Variants in ZNF469 observed in about 807,000 individuals in gnomAD.
The protein encoded by ZNF469 is zinc finger protein 469.
ZNF469 carries 1 observed loss-of-function variant against 1.0 expected under a neutral mutation model. The ratio of observed to expected loss-of-function variants is 1.00; its 90% confidence interval spans 0.35 to 4.73. ZNF469 has a LOEUF of 4.73. ZNF469 is among the 30% of genes most tolerant of loss of function. The probability of loss-of-function intolerance (pLI) is 0.16; values close to 1 mark genes in which losing one functional copy is unlikely to be tolerated. For missense variants in ZNF469, 6,100 were observed against 5,356.3 expected, an observed-to-expected ratio of 1.14 and a Z score of -4.33; for synonymous variants, 2,703 against 2,363.4, an observed-to-expected ratio of 1.14 and a Z score of -4.17.
the ZNF469 span, among the ~76,000 whole-genome samples, chr16:88,342,318 C>T: frequency 6.6e-6 from 1 of 152,136 alleles, no homozygotes; most frequent in Non-Finnish European, 1.5e-5. Context: ...CTCTCATGTT[C>T]CTGGAGCTCC....
At chr16:88,371,568 G>C in the ZNF469 span, among the ~76,000 whole-genome samples, 3 of 152,234 alleles carry the variant, frequency 2.0e-5, no homozygotes, top group East Asian at 5.8e-4. Flanking sequence ...GCTCCACCCC[G>C]GTTCTAGATC....
chr16:88,304,571 G>C, the ZNF469 span, among the ~76,000 whole-genome samples: 1 of 152,124 alleles, frequency 6.6e-6, no homozygotes, highest in Non-Finnish European at 1.5e-5. Context: ...ACTCAGCTCA[G>C]GAATGTGCCT....
At chr16:88,160,513 T>C in the ZNF469 span, among the ~76,000 whole-genome samples, 1 of 152,156 alleles carries the variant, frequency 6.6e-6, no homozygotes, top group Non-Finnish European at 1.5e-5. Context: ...CGGTCTTTTC[T>C]GCGGGTGCGG....
the ZNF469 span, among the ~76,000 whole-genome samples, chr16:88,286,422 T>C: frequency 1.3e-5 from 2 of 152,216 alleles, no homozygotes; most frequent in African/African-American, 4.8e-5. Flanking sequence ...TGCCCTCTTC[T>C]CCCTGCCCCA....
chr16:88,224,917 GC>G, the ZNF469 span, among the ~76,000 whole-genome samples: 1 of 152,192 alleles, frequency 6.6e-6, no homozygotes, highest in Non-Finnish European at 1.5e-5. Flanking sequence ...GAGCGGAGGT[GC>G]CCCAGCCTCA....
the ZNF469 span, among the ~76,000 whole-genome samples, chr16:88,356,316 C>T: frequency 2.0e-5 from 3 of 152,172 alleles, no homozygotes; most frequent in African/African-American, 7.2e-5. Flanking sequence ...CAGCTGTGAG[C>T]CGCCTGGTTT....
chr16:88,379,879 G>A (rs1469610341), upstream of ZNF469, among the ~76,000 whole-genome samples: 4 of 152,190 alleles, frequency 2.6e-5, no homozygotes, highest in Non-Finnish European at 5.9e-5. Context: ...GGTTGTCAGA[G>A]TCCTTCACAC....
Position 88,432,128 on chromosome 16 carries a change from T to G in ZNF469, c.4658T>G (p.Leu1553Arg). 6.4e-7 allele frequency: 1 copy of G among 1,550,412 alleles called. No individual in the cohort carries two copies. The highest frequency in any genetic ancestry group is 8.7e-7 in the Non-Finnish European group (1 of 1,146,986). ...PGKGSGCSVA[L>R]MSHLSEDELE... ...AAGGGGAGTGGATGTAGCGTTGCTC[T>G]TATGAGTCACCTGTCCGAGGATGAA... The change falls in exon 3 of 3, where the codon CTT (leucine) becomes CGT (arginine). Residue 1553 changes from leucine (L) to arginine (R), a missense_variant. By Grantham distance (102) the Leu-to-Arg change is moderately radical (BLOSUM62 -2). Coordinates refer to ENST00000565624, the MANE Select transcript of ZNF469 (RefSeq NM_001367624.2).
At chr16:88,210,647 T>C in the ZNF469 span, among the ~76,000 whole-genome samples, 4 of 152,270 alleles carry the variant, frequency 2.6e-5, no homozygotes, top group African/African-American at 9.6e-5. Context: ...ACTAAACAGC[T>C]AACCAGTTGT....
chr16:88,264,807 C>A, the ZNF469 span, among the ~76,000 whole-genome samples: 5 of 82,664 alleles, frequency 6.0e-5, no homozygotes, highest in African/African-American at 1.5e-4. Context: ...GGCCACACGG[C>A]CCCCCGCCTC....
the ZNF469 span, among the ~76,000 whole-genome samples, chr16:88,317,888 G>C: frequency 6.6e-6 from 1 of 152,218 alleles, no homozygotes; most frequent in Non-Finnish European, 1.5e-5. Flanking sequence ...TCAGAGCTCG[G>C]TGTCATCTTT....
chr16:88,257,655 A>G, the ZNF469 span, among the ~76,000 whole-genome samples: 1 of 152,036 alleles, frequency 6.6e-6, no homozygotes, highest in Non-Finnish European at 1.5e-5. Context: ...TTTTTCATTT[A>G]GGCCTGGGAT....
chr16:88,258,897 C>A, the ZNF469 span, among the ~76,000 whole-genome samples: 19 of 152,210 alleles, frequency 1.2e-4, no homozygotes, highest in Non-Finnish European at 2.4e-4. Context: ...CTTGCCCAAC[C>A]CACACAGCAG....
the ZNF469 span, among the ~76,000 whole-genome samples, chr16:88,212,760 T>G: frequency 1.2e-4 from 18 of 152,256 alleles, no homozygotes; most frequent in Middle Eastern, 3.4e-3. Flanking sequence ...TTTGTAATTT[T>G]TTTTGTAGAG....
Position 88,438,604 on chromosome 16 carries a change from G to A in ZNF469, c.11134G>A (p.Ala3712Thr), listed in dbSNP as rs759634111. 169 of 1,549,982 alleles carry A rather than the reference G, an allele frequency of 1.1e-4. No individual in the cohort carries two copies. Among genetic ancestry groups the A allele is most frequent in the Non-Finnish European group, 1.4e-4 (165 of 1,146,932 alleles). ...GGGGAGCCTGGCACCCGGGGAGCTG[G>A]CCCGTGGCACAGAGAATGGGATGAA... ...AVGSLAPGEL[A>T]RGTENGMKPA... Residue 3712 changes from alanine to threonine, a missense_variant, in exon 3 of 3, where the codon GCC becomes ACC. Physicochemically the swap from Ala to Thr is moderately conservative, Grantham distance 58. Coordinates refer to ENST00000565624, the MANE Select transcript of ZNF469 (RefSeq NM_001367624.2).
the ZNF469 span, among the ~76,000 whole-genome samples, chr16:88,324,965 CTTACAG>C: frequency 1.3e-5 from 2 of 152,134 alleles, no homozygotes; most frequent in African/African-American, 4.8e-5. Context: ...CCTCAGGAAA[CTTACAG>C]TCATGGTGGA....
the ZNF469 span, among the ~76,000 whole-genome samples, chr16:88,188,980 C>G: frequency 2.0e-5 from 3 of 152,048 alleles, no homozygotes; most frequent in Admixed American, 2.0e-4. Context: ...ATGTGGCCTC[C>G]TTTTTCCCTT....
chr16:88,430,192 C>T lies in ZNF469; in HGVS notation c.2722C>T (p.Pro908Ser). ...PPPLPAATPDPQTPRPGDRGC... is the reference protein window; with the variant it reads ...PPPLPAATPDSQTPRPGDRGC... ...CCCGCTCCCAGCAGCCACGCCGGAC[C>T]CCCAAACCCCCCGCCCTGGGGACAG... The change falls in exon 3 of 3, where the codon CCC (proline) becomes TCC (serine). Residue 908 changes from proline to serine, a missense_variant. Transcript: ENST00000565624. The T allele has an allele frequency of 6.5e-7, 1 of 1,547,060 alleles. No individual in the cohort carries two copies. The highest frequency in any genetic ancestry group is 1.2e-5 in the South Asian group (1 of 84,004).
the ZNF469 span, among the ~76,000 whole-genome samples, chr16:88,247,570 G>A: frequency 6.6e-6 from 1 of 151,446 alleles, no homozygotes; most frequent in East Asian, 2.0e-4. Context: ...CTGAGTGAGT[G>A]ACTGAGTGAG....
Sources: gnomAD v4.1 joint callset for allele counts (sites outside exome capture counted in the v4.1 genomes callset) on GRCh38, gnomAD v4.1.1 for gene constraint, MANE v1.5 for transcripts, NCBI Gene and HGNC (gene_info 2026-07-23, HGNC 2026-07-21) for gene names.